The following AK9 variants were observed in gnomAD, a reference collection of about 807,000 sequenced individuals.
AK9 encodes the protein adenylate kinase 9.
In AK9, 191 loss-of-function variants were observed where a neutral mutation model predicts 239.6. That is an observed-to-expected ratio of 0.80 (90% CI 0.71 to 0.90). The LOEUF is 0.90. AK9 is among the 40% of genes least tolerant of loss of function. AK9 has a pLI of 0.00. For missense variants in AK9, 1,995 were observed against 2,214.7 expected (o/e 0.90, Z 1.99); for synonymous variants, 689 against 721.0 (o/e 0.96, Z 0.71).
chr6:109,625,904 A>G (rs747295347), intron 12 of AK9, among the ~76,000 whole-genome samples: 2 of 132,914 alleles, frequency 1.5e-5, no homozygotes, highest in Non-Finnish European at 3.2e-5. Context: ...AATGTTGACA[A>G]TATCTTCAAG....
In AK9 at chr6:109,514,108, G is replaced by C. The variant is rs539899219; in HGVS notation, c.4279+116C>G. 1.4e-5 allele frequency: 14 copies of C among 984,742 alleles called. No individual in the cohort carries two copies. The Admixed American group carries it at 3.7e-4, about 26-fold the overall frequency. 61.0% of individuals were successfully genotyped at this position (984,742 alleles called of 1,614,324 possible). ...CTGTCTCCTCACTCAGCCACCCTAC[G>C]ATTAAATGTCTTTTTCTGCTGCAAC... On this transcript the variant is annotated intron_variant, in intron 32 of 40. Transcript: ENST00000424296.
In AK9 at chr6:109,596,756, CTTAGG is replaced by C. The variant is rs568061333; in HGVS notation, c.1843-10689_1843-10685del. ...TTATCCAGTCCTCCATGGATGGACACTTAGGTTGATTCCATATCATTGCTATTAAT... is the reference window on the plus strand; with the variant it reads ...TTATCCAGTCCTCCATGGATGGACACTTGATTCCATATCATTGCTATTAAT... On this transcript the variant is annotated intron_variant, in intron 17 of 40. Coordinates refer to ENST00000424296, the MANE Select transcript of AK9 (RefSeq NM_001145128.3). Among the ~76,000 whole-genome samples the C allele has an allele frequency of 2.9e-3, 449 of 152,292 alleles. 4 individuals carry two copies. The highest frequency in any genetic ancestry group is 9.8e-3 in the African/African-American group (407 of 41,560).
intron 35 of AK9, among the ~76,000 whole-genome samples, chr6:109,505,769 C>T (rs1275934737): frequency 2.6e-5 from 4 of 152,112 alleles, no homozygotes; most frequent in Admixed American, 6.5e-5. Flanking sequence ...GCTTGGGTAG[C>T]GGCAGTCATT....
chr6:109,649,475 C>T (rs942443701), intron 8 of AK9, among the ~76,000 whole-genome samples: 46 of 152,064 alleles, frequency 3.0e-4, no homozygotes, highest in African/African-American at 1.1e-3. Context: ...GAGTGAACTC[C>T]CATTCACAAT....
intron 6 of AK9, among the ~76,000 whole-genome samples, chr6:109,662,153 T>C (rs1800509983): frequency 6.6e-6 from 1 of 152,134 alleles, no homozygotes; most frequent in African/African-American, 2.4e-5. Flanking sequence ...AATTATAATA[T>C]AGTAAGGTGA....
intron 32 of AK9, among the ~76,000 whole-genome samples, chr6:109,512,085 A>G (rs1778811192): frequency 6.6e-6 from 1 of 152,202 alleles, no homozygotes; most frequent in East Asian, 1.9e-4. Flanking sequence ...AGGCATTCTA[A>G]GTCACAGGAA....
At position 109,533,241 on chromosome 6, in the gene AK9, A is replaced by C. The variant is rs187115154; in HGVS notation, c.3570+10T>G. 2 of 1,582,624 alleles carry C rather than the reference A, an allele frequency of 1.3e-6. No individual in the cohort carries two copies. The highest frequency in any genetic ancestry group is 1.8e-5 in the Admixed American group (1 of 55,078). Reference sequence around the variant, plus strand: ...CAGATTTATTCAATGCATTTTTGCTAGATACATACCCTGATTTTTGCCTTC... The same window carrying C: ...CAGATTTATTCAATGCATTTTTGCTCGATACATACCCTGATTTTTGCCTTC... On this transcript the variant is annotated intron_variant, in intron 28 of 40. Transcript: ENST00000424296.
intron 6 of AK9, among the ~76,000 whole-genome samples, chr6:109,661,869 T>C (rs1198842320): frequency 6.6e-6 from 1 of 152,234 alleles, no homozygotes; most frequent in African/African-American, 2.4e-5. Flanking sequence ...GCAGCTATTG[T>C]CATTTTTGTA....
Position 109,573,578 on chromosome 6 carries a change from ATCAGTCTCT to A in AK9, c.2199_2207del (p.Glu733_Thr735del). 1.3e-6 allele frequency: 2 copies of A among 1,548,202 alleles called. No individual in the cohort carries two copies. The highest frequency in any genetic ancestry group is 1.7e-6 in the Non-Finnish European group (2 of 1,145,806). Reference sequence around the variant, plus strand: ...CTTCAATCTCCTCTTCATCCTCATTATCAGTCTCTTCAGCTTCTAAAAAAATTTGAAGAA... The same window carrying A: ...CTTCAATCTCCTCTTCATCCTCATTATCAGCTTCTAAAAAAATTTGAAGAA... On this transcript the variant is annotated inframe_deletion, in exon 21 of 41. Transcript: ENST00000424296.
intron 31 of AK9, among the ~76,000 whole-genome samples, chr6:109,514,899 A>G (rs60108304): frequency 0.029 from 4,374 of 152,240 alleles, 98 homozygotes; most frequent in East Asian, 0.11. Context: ...ATAAAGGAGG[A>G]AATTAAGGTT....
At chr6:109,524,259 T>A (rs1489032402) in intron 29 of AK9, among the ~76,000 whole-genome samples, 1 of 152,038 alleles carries the variant, frequency 6.6e-6, no homozygotes, top group Non-Finnish European at 1.5e-5. Context: ...TTAAACTATT[T>A]ACCTTAAAGA....
intron 21 of AK9, among the ~76,000 whole-genome samples, chr6:109,572,169 T>C (rs1004381551): frequency 6.6e-6 from 1 of 152,210 alleles, no homozygotes; most frequent in Non-Finnish European, 1.5e-5. Context: ...AAATAATGAA[T>C]GTGCGCCTAG....
At chr6:109,632,222 A>C in intron 12 of AK9, 10 of 985,454 alleles carry the variant, frequency 1.0e-5, no homozygotes, top group African/African-American at 1.7e-5. Context: ...GCTTAAAAGA[A>C]TGCAACAGCA....
chr6:109,687,498 G>C (rs371142673), intron 1 of AK9, among the ~76,000 whole-genome samples: 1 of 152,192 alleles, frequency 6.6e-6, no homozygotes, highest in Non-Finnish European at 1.5e-5. Flanking sequence ...CTGTTGGCTT[G>C]GAAGAAGTAA....
At chr6:109,669,892 C>A (rs1583514485) in intron 5 of AK9, among the ~76,000 whole-genome samples, 1 of 152,142 alleles carries the variant, frequency 6.6e-6, no homozygotes, top group East Asian at 1.9e-4. Flanking sequence ...TTTAAATGAG[C>A]TCGTTTGTGC....
chr6:109,514,490 T>C, intron 31 of AK9, 53 bp from the exon 32 acceptor site: 3 of 1,404,094 alleles, frequency 2.1e-6, no homozygotes, highest in Non-Finnish European at 1.9e-6. Context: ...TTTACAGCAC[T>C]TCCCTGAAAC....
At chr6:109,574,558 T>C (rs1403513199) in intron 20 of AK9, among the ~76,000 whole-genome samples, 1 of 152,206 alleles carries the variant, frequency 6.6e-6, no homozygotes, top group Non-Finnish European at 1.5e-5. Flanking sequence ...CTATATTAAT[T>C]GCACATTGAA....
intron 20 of AK9, 133 bp downstream of exon 20, chr6:109,579,417 A>T (rs988104761): frequency 1.4e-6 from 1 of 733,644 alleles, no homozygotes. Context: ...CTTCAAGAAT[A>T]TAGGCATAAA....
rs552556002 is a variant in AK9 at position 109,497,934 on chromosome 6, G to A, written c.5078C>T (p.Pro1693Leu). 2 of 1,614,020 alleles carry A rather than the reference G, an allele frequency of 1.2e-6. No individual in the cohort carries two copies. The highest frequency in any genetic ancestry group is 2.2e-5 in the East Asian group (1 of 44,874). ...TGGGAGTGGATGAGGTGCTAAGGGA[G>A]GCACGTACAATTCTGGGTTCTCCAA... The part of the protein sequence containing the change: ...KFLENPELYV[P>L]PLAPHPLPSA... The change falls in exon 37 of 41, where the codon CCT (proline) becomes CTT (leucine). Residue 1693 changes from proline to leucine, a missense_variant. This residue lies in a region of AK9 where 391 missense variants were observed against 456.0 expected (regional missense o/e 0.86). Transcript: ENST00000424296.
Sources: gnomAD v4.1 joint callset for allele counts (sites outside exome capture counted in the v4.1 genomes callset) on GRCh38, gnomAD v4.1.1 for gene constraint, gnomAD v4.1.1 regional missense constraint, MANE v1.5 for transcripts, NCBI Gene and HGNC (gene_info 2026-07-23, HGNC 2026-07-21) for gene names.